AATF: variants seen among roughly 807,000 people sequenced by gnomAD.
The protein encoded by AATF is protein AATF.
In AATF, 48 loss-of-function variants were observed where a neutral mutation model predicts 63.7. That is an observed-to-expected ratio of 0.75 (90% CI 0.60 to 0.96). The LOEUF is 0.96. Ranked by LOEUF, AATF falls within the 40% of genes least tolerant of loss-of-function variation. The pLI is 0.00. For missense variants in AATF, 639 were observed against 685.7 expected (o/e 0.93, Z 0.76); for synonymous variants, 258 against 247.7 (o/e 1.04, Z -0.39).
In AATF at chr17:36,981,931, G is replaced by C. The variant is rs1056799339; in HGVS notation, c.833-4686G>C. On this transcript the variant is annotated intron_variant, in intron 4 of 11. Coordinates refer to ENST00000619387, the MANE Select transcript of AATF (RefSeq NM_012138.4). ...TAGTAGTGTTAAATATATTCACATT[G>C]TTGTACAACCAATCTCCAGAACTTT... 3.3e-5 allele frequency among the ~76,000 whole-genome samples: 5 copies of C among 151,782 alleles called. No homozygotes were observed. In the South Asian group the frequency reaches 1.0e-3, roughly 31 times the overall value.
At chr17:37,022,786 G>C (rs947782120) in intron 10 of AATF, among the ~76,000 whole-genome samples, 5 of 152,134 alleles carry the variant, frequency 3.3e-5, no homozygotes, top group African/African-American at 1.2e-4. Context: ...AATAGTGCCA[G>C]GTACATAGTT....
intron 4 of AATF, among the ~76,000 whole-genome samples, chr17:36,983,216 AT>A: frequency 6.6e-6 from 1 of 151,588 alleles, no homozygotes; most frequent in East Asian, 1.9e-4. Context: ...TAATTTTTGT[AT>A]TTTTTTGTAG....
chr17:37,039,721 T>C (rs2071621954), intron 11 of AATF, among the ~76,000 whole-genome samples: 1 of 152,116 alleles, frequency 6.6e-6, no homozygotes, highest in Non-Finnish European at 1.5e-5. Context: ...AAGGAAACAC[T>C]CTCAAGTTCA....
At chr17:36,982,723 C>T (rs1005800952) in intron 4 of AATF, among the ~76,000 whole-genome samples, 1 of 152,146 alleles carries the variant, frequency 6.6e-6, no homozygotes, top group Non-Finnish European at 1.5e-5. Flanking sequence ...TAAAGCTTAT[C>T]ATTTTAAGTG....
intron 8 of AATF, among the ~76,000 whole-genome samples, chr17:37,010,901 A>G (rs952668318): frequency 2.6e-4 from 39 of 152,150 alleles, no homozygotes; most frequent in African/African-American, 8.0e-4. Flanking sequence ...AGAGGTAGAC[A>G]AGGGCCCTAG....
chr17:37,011,810 T>C (rs2071393489), intron 8 of AATF, among the ~76,000 whole-genome samples: 1 of 152,146 alleles, frequency 6.6e-6, no homozygotes, highest in Admixed American at 6.5e-5. Flanking sequence ...TCTTGAGACC[T>C]TAGCACAGGT....
At position 37,020,930 on chromosome 17, in the gene AATF, C is replaced by G; in HGVS notation, c.1467-4C>G. ...ATGCATAACATTGCTTGTGAATTTT[C>G]CAGGCAGTGGCTTGCAATCCAGAAG... On this transcript the variant is annotated splice_polypyrimidine_tract_variant and splice_region_variant and intron_variant, in intron 9 of 11. Transcript: ENST00000619387. 7 of 1,608,502 alleles carry G rather than the reference C, an allele frequency of 4.4e-6. No homozygotes were observed. The highest frequency in any genetic ancestry group is 5.9e-6 in the Non-Finnish European group (7 of 1,177,470).
chr17:36,951,530 T>C (rs1054981899), intron 2 of AATF, among the ~76,000 whole-genome samples: 9 of 152,182 alleles, frequency 5.9e-5, no homozygotes, highest in Non-Finnish European at 1.2e-4. Context: ...AATTTAATCC[T>C]CCCAATTGCG....
chr17:36,987,767 T>G (rs748953159), intron 5 of AATF, among the ~76,000 whole-genome samples: 10 of 152,220 alleles, frequency 6.6e-5, no homozygotes, highest in Non-Finnish European at 1.3e-4. Flanking sequence ...TCAGCTTCTC[T>G]TGTATTTGGT....
chr17:36,989,560 G>T (rs1473496386), intron 7 of AATF, 149 bp downstream of exon 7: 12 of 752,916 alleles, frequency 1.6e-5, no homozygotes, highest in Admixed American at 7.5e-5. Context: ...AGAGAAACTT[G>T]AGTGTATGTG....
At chr17:37,036,043 C>T (rs2071589606) in intron 11 of AATF, among the ~76,000 whole-genome samples, 2 of 152,160 alleles carry the variant, frequency 1.3e-5, no homozygotes, top group South Asian at 4.1e-4. Context: ...CCCACCTCAG[C>T]CTCTTGAGTA....
chr17:37,056,465 G>A, intron 11 of AATF, 136 bp from the exon 12 acceptor site: 1 of 786,134 alleles, frequency 1.3e-6, no homozygotes, highest in East Asian at 2.6e-5. Flanking sequence ...AGTAAGAGCT[G>A]TGGGGTGCAT....
At chr17:37,035,064 C>T (rs1015950654) in intron 11 of AATF, among the ~76,000 whole-genome samples, 1 of 149,494 alleles carries the variant, frequency 6.7e-6, no homozygotes, top group African/African-American at 2.5e-5. Flanking sequence ...GCGGAGCTTG[C>T]AGTGAGCCGA....
chr17:37,003,220 T>G (rs2142266471), intron 8 of AATF, among the ~76,000 whole-genome samples: 1 of 152,278 alleles, frequency 6.6e-6, no homozygotes, highest in East Asian at 1.9e-4. Context: ...TTTGTTTTGT[T>G]TTTTAACAAA....
intron 5 of AATF, among the ~76,000 whole-genome samples, chr17:36,987,153 A>ATTTTTTTTTTTTTTTTTTTTTTT (rs11286976): frequency 8.2e-6 from 1 of 121,374 alleles, no homozygotes; most frequent in African/African-American, 3.2e-5. Context: ...ATGCCTGGCT[A>ATTTTTTTTTTTTTTTTTTTTTTT]TTTTTTTTTT....
intron 11 of AATF, chr17:37,033,754 G>A (rs187707102): frequency 1.0e-4 from 15 of 149,338 alleles, no homozygotes; most frequent in African/African-American, 3.8e-4. Flanking sequence ...TGGTGTTAGG[G>A]CCAACATCTC....
intron 4 of AATF, among the ~76,000 whole-genome samples, chr17:36,972,299 T>G (rs1330609503): frequency 6.6e-6 from 1 of 152,226 alleles, no homozygotes; most frequent in Non-Finnish European, 1.5e-5. Flanking sequence ...TGAGATGTCT[T>G]TAAACTCTTT....
intron 11 of AATF, chr17:37,056,312 A>C (rs2071797522): frequency 5.1e-6 from 2 of 391,450 alleles, no homozygotes; most frequent in Non-Finnish European, 9.2e-6. Context: ...TAAAATATTC[A>C]ATCTTGTTTT....
At chr17:36,957,884 G>C (rs1255780997) in intron 4 of AATF, among the ~76,000 whole-genome samples, 1 of 152,212 alleles carries the variant, frequency 6.6e-6, no homozygotes, top group South Asian at 2.1e-4. Flanking sequence ...TGAGTACCAT[G>C]CCTTTGTAGC....
Sources: allele counts gnomAD v4.1 joint callset (sites outside exome capture counted in the v4.1 genomes callset), GRCh38; gene constraint gnomAD v4.1.1; transcripts MANE v1.5; gene names NCBI Gene and HGNC (gene_info 2026-07-23, HGNC 2026-07-21).